The following FGGY variants were observed in gnomAD, a reference collection of about 807,000 sequenced individuals.
The protein encoded by FGGY is FGGY carbohydrate kinase domain containing, also known as FGGY carbohydrate kinase domain-containing protein.
Under a neutral mutation model 71.3 loss-of-function variants are expected in FGGY, and 72 were observed. The ratio of observed to expected loss-of-function variants is 1.01; its 90% CI spans 0.84 to 1.23. The LOEUF is 1.23. FGGY is among the 50% of genes most tolerant of loss of function. FGGY has a pLI of 0.00. For synonymous variants in FGGY, 251 were observed against 250.3 expected, an observed-to-expected ratio of 1.00 and a Z score of -0.02; for missense variants, 668 against 682.3, an observed-to-expected ratio of 0.98 and a Z score of 0.23.
intron 14 of FGGY, among the ~76,000 whole-genome samples, chr1:59,703,785 G>A (rs2097729767): frequency 6.6e-6 from 1 of 152,158 alleles, no homozygotes; most frequent in African/African-American, 2.4e-5. Flanking sequence ...ATTTGACTTT[G>A]CTTTCCCCTG....
chr1:59,481,605 G>T (rs2093471070), intron 6 of FGGY, among the ~76,000 whole-genome samples: 1 of 152,128 alleles, frequency 6.6e-6, no homozygotes, highest in Non-Finnish European at 1.5e-5. Flanking sequence ...TAGCCTCAGG[G>T]TTCTGTTGAC....
intron 11 of FGGY, among the ~76,000 whole-genome samples, chr1:59,654,032 C>G (rs374939228): frequency 1.2e-3 from 178 of 152,254 alleles, no homozygotes; most frequent in African/African-American, 4.2e-3. Flanking sequence ...TCCTTTAAAG[C>G]AGGGCCTCAG....
Position 59,543,891 on chromosome 1 carries a change from G to A in FGGY, c.800-10233G>A, listed in dbSNP as rs534623623. On this transcript the variant is annotated intron_variant, in intron 7 of 15. Coordinates refer to ENST00000303721, the MANE Select transcript of FGGY (RefSeq NM_018291.5). Reference sequence around the variant, plus strand: ...TTTTATAAATGAGACCATTTGTCTAGGGGCAAGAGAAGGTTGCTGAAGGCA... The same window carrying A: ...TTTTATAAATGAGACCATTTGTCTAAGGGCAAGAGAAGGTTGCTGAAGGCA... 2.2e-3 allele frequency among the ~76,000 whole-genome samples: 332 copies of A among 152,264 alleles called. 1 individual carries two copies. Among genetic ancestry groups the A allele is most frequent in the Non-Finnish European group, 3.7e-3 (251 of 68,026 alleles).
intron 6 of FGGY, among the ~76,000 whole-genome samples, chr1:59,475,518 A>T (rs1029339310): frequency 6.6e-6 from 1 of 152,142 alleles, no homozygotes; most frequent in Non-Finnish European, 1.5e-5. Context: ...AATAGGTTTG[A>T]TTTCAGTTTT....
rs189926645 is a variant in FGGY at position 59,565,433 on chromosome 1, C to T, written c.903+11206C>T. On this transcript the variant is annotated intron_variant, in intron 8 of 15. Transcript: ENST00000303721. ...CTGAGTAGCTGGGACTATAGGCACC[C>T]GCCACCATGCCCGGCTAATTTTTTG... 1.5e-4 allele frequency among the ~76,000 whole-genome samples: 23 copies of T among 152,230 alleles called. No individual in the cohort carries two copies. In the Middle Eastern group the frequency reaches 0.01, roughly 68 times the overall value.
chr1:59,694,821 A>C, intron 14 of FGGY, among the ~76,000 whole-genome samples: 1 of 152,032 alleles, frequency 6.6e-6, no homozygotes, highest in East Asian at 1.9e-4. Flanking sequence ...CACAGTACCC[A>C]GCTCTAACTA....
chr1:59,701,302 T>A (rs981248318), intron 14 of FGGY, among the ~76,000 whole-genome samples: 3 of 152,208 alleles, frequency 2.0e-5, no homozygotes, highest in African/African-American at 7.2e-5. Flanking sequence ...GAACAGACCT[T>A]GGATATCGTA....
intron 11 of FGGY, among the ~76,000 whole-genome samples, chr1:59,638,684 A>C (rs918995814): frequency 1.3e-5 from 2 of 152,186 alleles, no homozygotes; most frequent in Non-Finnish European, 2.9e-5. Context: ...TGTAAAGTCA[A>C]ATTTTCCAGC....
intron 14 of FGGY, among the ~76,000 whole-genome samples, chr1:59,724,854 A>G (rs1422879239): frequency 6.6e-6 from 1 of 152,066 alleles, no homozygotes; most frequent in Admixed American, 6.6e-5. Context: ...GAATTTTAAG[A>G]GTTCTTTGTA....
At chr1:59,757,292 A>G (rs1559006541) in intron 14 of FGGY, among the ~76,000 whole-genome samples, 1 of 152,200 alleles carries the variant, frequency 6.6e-6, no homozygotes, top group Admixed American at 6.5e-5. Context: ...TGCACCTACC[A>G]TACCATGTCT....
intron 5 of FGGY, among the ~76,000 whole-genome samples, chr1:59,385,443 A>C (rs2059965529): frequency 6.6e-6 from 1 of 152,180 alleles, no homozygotes; most frequent in Non-Finnish European, 1.5e-5. Flanking sequence ...TAACTCTGTT[A>C]GTCCTCATGA....
chr1:59,412,948 A>G (rs1315783661), intron 5 of FGGY, among the ~76,000 whole-genome samples: 1 of 152,172 alleles, frequency 6.6e-6, no homozygotes, highest in Non-Finnish European at 1.5e-5. Context: ...TATTCACAGG[A>G]AAGAGGAAGT....
chr1:59,359,921 G>A (rs2055101462), intron 4 of FGGY, among the ~76,000 whole-genome samples: 1 of 151,994 alleles, frequency 6.6e-6, no homozygotes, highest in African/African-American at 2.4e-5. Flanking sequence ...TATCCTACCT[G>A]GCCTCCGTTT....
At chr1:59,546,856 A>G (rs2095534272) in intron 7 of FGGY, among the ~76,000 whole-genome samples, 1 of 151,378 alleles carries the variant, frequency 6.6e-6, no homozygotes, top group Non-Finnish European at 1.5e-5. Context: ...AGTAAAAGTA[A>G]ACCTACTTTA....
chr1:59,319,266 A>G (rs2153117310), intron 1 of FGGY, among the ~76,000 whole-genome samples: 1 of 152,352 alleles, frequency 6.6e-6, no homozygotes, highest in South Asian at 2.1e-4. Flanking sequence ...AATGAATAAA[A>G]CAGGCATGGA....
At chr1:59,340,274 G>A (rs1192327053) in intron 3 of FGGY, among the ~76,000 whole-genome samples, 3 of 152,144 alleles carry the variant, frequency 2.0e-5, no homozygotes, top group African/African-American at 7.2e-5. Flanking sequence ...TGGATTAGGG[G>A]GACTAGGCTT....
At chr1:59,498,924 T>C (rs980998131) in intron 6 of FGGY, among the ~76,000 whole-genome samples, 1 of 152,146 alleles carries the variant, frequency 6.6e-6, no homozygotes, top group Non-Finnish European at 1.5e-5. Flanking sequence ...CATTCAGGAG[T>C]GAGGTCATTG....
chr1:59,660,200 C>A lies in FGGY; in HGVS notation c.1222-19C>A. The A allele has an allele frequency of 6.2e-7, 1 of 1,610,404 alleles. No homozygotes were observed. Among genetic ancestry groups the A allele is most frequent in the Non-Finnish European group, 8.5e-7 (1 of 1,177,414 alleles). On this transcript the variant is annotated intron_variant, in intron 11 of 15. Coordinates refer to ENST00000303721, the MANE Select transcript of FGGY (RefSeq NM_018291.5). ...CTTCTTTTGACCATCTTCTTCTTTTCTTCCCTTCATGCCTGCAGGTCACCG... is the reference window on the plus strand; with the variant it reads ...CTTCTTTTGACCATCTTCTTCTTTTATTCCCTTCATGCCTGCAGGTCACCG...
intron 6 of FGGY, among the ~76,000 whole-genome samples, chr1:59,504,588 T>C (rs990822200): frequency 3.3e-5 from 5 of 152,236 alleles, no homozygotes; most frequent in Non-Finnish European, 7.3e-5. Flanking sequence ...AGTCACCTTC[T>C]ATGTGGATGA....
Sources: allele counts gnomAD v4.1 joint callset (sites outside exome capture counted in the v4.1 genomes callset), GRCh38; gene constraint gnomAD v4.1.1; transcripts MANE v1.5; gene names NCBI Gene and HGNC (gene_info 2026-07-23, HGNC 2026-07-21).